The following CCDC91 variants were observed in gnomAD, a reference collection of about 807,000 sequenced individuals.
CCDC91 encodes the protein coiled-coil domain containing 91.
A neutral mutation model predicts 63.2 loss-of-function variants in CCDC91; 48 were observed. The ratio of observed to expected loss-of-function variants is 0.76; its 90% CI spans 0.60 to 0.97. The LOEUF (loss-of-function observed/expected upper bound fraction) is 0.97, where lower values mean the gene tolerates loss of function less well. CCDC91 is among the 50% of genes least tolerant of loss of function. The probability of loss-of-function intolerance (pLI) is 0.00; values close to 1 mark genes in which losing one functional copy is unlikely to be tolerated. For synonymous variants in CCDC91, 167 were observed against 165.8 expected, an observed-to-expected ratio of 1.01 and a Z score of -0.06; for missense variants, 500 against 494.6, an observed-to-expected ratio of 1.01 and a Z score of -0.10.
chr12:28,362,512 T>G lies in CCDC91; in HGVS notation c.651T>G (p.Tyr217Ter), dbSNP rs1359186494. The G allele has an allele frequency of 6.3e-7, 1 of 1,583,516 alleles. No homozygotes were observed. The change falls in exon 7 of 13, where the codon TAT (tyrosine) becomes TAG (stop). Residue 217 changes from tyrosine (Y) to a stop codon, truncating the protein, a stop_gained. Transcript: ENST00000536442. LOFTEE classifies it high-confidence loss of function. ...CCCTCAGCATTATTGTGGATGAATA[T>G]AAGGTAGAGGTTTGAGAGTGTTTAC... Reference protein sequence around the residue: ...HEALSIIVDEYKALLQSSVKQ... With the variant: ...HEALSIIVDE
At chr12:28,543,616 C>G (rs115981350) in intron 12 of CCDC91, among the ~76,000 whole-genome samples, 2,472 of 152,008 alleles carry the variant, frequency 0.016, 65 homozygotes, top group African/African-American at 0.056. Context: ...CACTTTCATT[C>G]CCTAAATATT....
intron 12 of CCDC91, among the ~76,000 whole-genome samples, chr12:28,535,076 T>C (rs1314365772): frequency 6.6e-6 from 1 of 152,204 alleles, no homozygotes; most frequent in Non-Finnish European, 1.5e-5. Flanking sequence ...GAAAAGTAGG[T>C]AGGACCTACA....
At chr12:28,470,510 T>C (rs1366453132) in intron 11 of CCDC91, among the ~76,000 whole-genome samples, 1 of 152,072 alleles carries the variant, frequency 6.6e-6, no homozygotes, top group Non-Finnish European at 1.5e-5. Flanking sequence ...GTACAGCCAC[T>C]GTGGAGAAGG....
chr12:28,266,546 C>T (rs1209070909), intron 3 of CCDC91, among the ~76,000 whole-genome samples: 1 of 151,872 alleles, frequency 6.6e-6, no homozygotes, highest in Non-Finnish European at 1.5e-5. Context: ...ACATAGAACA[C>T]AAATATTAAT....
intron 6 of CCDC91, among the ~76,000 whole-genome samples, chr12:28,315,899 A>G (rs1939812403): frequency 6.6e-6 from 1 of 151,698 alleles, no homozygotes; most frequent in African/African-American, 2.4e-5. Context: ...TCTCATTTAG[A>G]TAATAGTGTA....
chr12:28,482,729 A>G (rs1189617467), intron 11 of CCDC91, among the ~76,000 whole-genome samples: 6 of 152,068 alleles, frequency 3.9e-5, no homozygotes, highest in Admixed American at 3.9e-4. Context: ...AAAATGTCAA[A>G]AGATACATTG....
At chr12:28,272,353 CA>C (rs1489011878) in intron 3 of CCDC91, among the ~76,000 whole-genome samples, 1 of 150,280 alleles carries the variant, frequency 6.7e-6, no homozygotes, top group East Asian at 1.9e-4. Context: ...TTGTTTTTAC[CA>C]ATGTTGTTGT....
chr12:28,389,929 C>T (rs1381240994), intron 7 of CCDC91, among the ~76,000 whole-genome samples: 1 of 152,046 alleles, frequency 6.6e-6, no homozygotes, highest in Non-Finnish European at 1.5e-5. Flanking sequence ...AAGGATTAAG[C>T]TTTTGTGCCT....
chr12:28,500,734 C>T (rs1176789094), intron 12 of CCDC91, among the ~76,000 whole-genome samples: 1 of 151,582 alleles, frequency 6.6e-6, no homozygotes, highest in African/African-American at 2.4e-5. Context: ...CTGTATAAAA[C>T]CAAGTAAAAA....
At chr12:28,536,598 C>G (rs998791498) in intron 12 of CCDC91, among the ~76,000 whole-genome samples, 1 of 152,090 alleles carries the variant, frequency 6.6e-6, no homozygotes, top group Non-Finnish European at 1.5e-5. Context: ...GTTTGTTCTT[C>G]TGTACAATGG....
intron 12 of CCDC91, among the ~76,000 whole-genome samples, chr12:28,527,692 C>G (rs1941389348): frequency 6.6e-6 from 1 of 152,164 alleles, no homozygotes; most frequent in Non-Finnish European, 1.5e-5. Context: ...CTTCAGTTAC[C>G]AGGGTGGTAG....
At chr12:28,521,827 T>C (rs1160946690) in intron 12 of CCDC91, among the ~76,000 whole-genome samples, 1 of 152,204 alleles carries the variant, frequency 6.6e-6, no homozygotes, top group Non-Finnish European at 1.5e-5. Flanking sequence ...TCTATTGAAA[T>C]AATCCTGTGG....
At chr12:28,381,381 TATC>T (rs1005382694) in intron 7 of CCDC91, among the ~76,000 whole-genome samples, 20 of 151,780 alleles carry the variant, frequency 1.3e-4, no homozygotes, top group African/African-American at 4.6e-4. Flanking sequence ...CTTATCAAAA[TATC>T]ATTTTTTTTT....
chr12:28,318,688 G>A (rs1940171304), intron 6 of CCDC91, among the ~76,000 whole-genome samples: 1 of 151,950 alleles, frequency 6.6e-6, no homozygotes, highest in Non-Finnish European at 1.5e-5. Context: ...TTTTGTGCTG[G>A]CTTTTATTTT....
At chr12:28,199,970 T>C (rs1942084392) in intron 1 of CCDC91, among the ~76,000 whole-genome samples, 1 of 152,166 alleles carries the variant, frequency 6.6e-6, no homozygotes, top group Admixed American at 6.5e-5. Context: ...GATGTATAGA[T>C]TAATGCTTTT....
chr12:28,254,164 C>CA (rs1181492701), intron 1 of CCDC91, among the ~76,000 whole-genome samples: 2 of 151,648 alleles, frequency 1.3e-5, no homozygotes, highest in African/African-American at 2.4e-5. Context: ...TACAATAAGG[C>CA]AAAAAAAGAG....
chr12:28,246,086 G>A (rs1565665809), intron 1 of CCDC91, among the ~76,000 whole-genome samples: 1 of 152,034 alleles, frequency 6.6e-6, no homozygotes, highest in Non-Finnish European at 1.5e-5. Flanking sequence ...ATGAATAATA[G>A]CCATAATAAT....
intron 8 of CCDC91, among the ~76,000 whole-genome samples, chr12:28,404,657 A>T (rs1946825585): frequency 6.6e-6 from 1 of 152,080 alleles, no homozygotes; most frequent in Non-Finnish European, 1.5e-5. Context: ...TGTTTGCCTC[A>T]TGCATTTTGC....
intron 3 of CCDC91, among the ~76,000 whole-genome samples, chr12:28,275,390 C>G (rs545363133): frequency 1.3e-5 from 2 of 151,936 alleles, no homozygotes; most frequent in South Asian, 2.1e-4. Context: ...ATAAATTCCT[C>G]GACACATACA....
Sources: allele counts gnomAD v4.1 joint callset (sites outside exome capture counted in the v4.1 genomes callset), GRCh38; gene constraint gnomAD v4.1.1; transcripts MANE v1.5; gene names NCBI Gene and HGNC (gene_info 2026-07-23, HGNC 2026-07-21).